Variants in PDCD5 observed in about 807,000 individuals in gnomAD.
PDCD5 encodes programmed cell death protein 5.
Under a neutral mutation model 21.9 loss-of-function variants are expected in PDCD5, and 23 were observed. That is an observed-to-expected ratio of 1.05 (90% CI 0.76 to 1.49). PDCD5 has a LOEUF of 1.49. PDCD5 is among the 40% of genes most tolerant of loss of function. PDCD5 has a pLI of 0.00. For synonymous variants in PDCD5, 45 were observed against 49.4 expected (o/e 0.91, Z 0.37); for missense variants, 152 against 147.7 (o/e 1.03, Z -0.15).
At chr19:32,582,694 A>T (rs989141112) in intron 2 of PDCD5, among the ~76,000 whole-genome samples, 5 of 152,202 alleles carry the variant, frequency 3.3e-5, no homozygotes, top group East Asian at 1.9e-4. Context: ...ATCATTTTTT[A>T]AAAATTGTGG....
In PDCD5 at chr19:32,586,928, A is replaced by C. The variant is rs1489041596; in HGVS notation, c.329A>C (p.Lys110Thr). ...SQQTEKTTTVKFNRRKVMDSD... is the reference protein window; with the variant it reads ...SQQTEKTTTVTFNRRKVMDSD... The stretch of plus-strand genomic sequence containing the variant: ...CAAACAGAAAAGACAACAACAGTGA[A>C]AGTAAGTGTCCCCAGATGCTTGTGG... The change falls in exon 5 of 6, where the codon AAA (lysine) becomes ACA (threonine). Residue 110 changes from lysine (K) to threonine (T), a missense_variant and splice_region_variant. By Grantham distance (78) the Lys-to-Thr change is moderately conservative (BLOSUM62 -1). Coordinates refer to ENST00000590247, the MANE Select transcript of PDCD5 (RefSeq NM_004708.4). The C allele has an allele frequency of 6.2e-7, 1 of 1,609,362 alleles. No homozygotes were observed. The highest frequency in any genetic ancestry group is 2.2e-5 in the East Asian group (1 of 44,834).
chr19:32,586,581 A>T, intron 4 of PDCD5: 1 of 1,182,318 alleles, frequency 8.5e-7, no homozygotes, highest in Non-Finnish European at 1.0e-6. Context: ...GCTAGTGATG[A>T]TAAAGGTGTT....
Position 32,585,919 on chromosome 19 carries a change from C to CA in PDCD5, c.258+13dup. ...AACTAAGTGAGAAGGTAAGCTTAGA[C>CA]AGCCTTGAGGAACTTTACTGTTACC... On this transcript the variant is annotated intron_variant, in intron 4 of 5. Coordinates refer to ENST00000590247, the MANE Select transcript of PDCD5 (RefSeq NM_004708.4). 3.7e-6 allele frequency: 6 copies of CA among 1,613,192 alleles called. No homozygotes were observed. The highest frequency in any genetic ancestry group is 5.1e-6 in the Non-Finnish European group (6 of 1,179,122).
intron 2 of PDCD5, among the ~76,000 whole-genome samples, chr19:32,583,375 G>A (rs947660179): frequency 6.6e-6 from 1 of 151,978 alleles, no homozygotes; most frequent in African/African-American, 2.4e-5. Context: ...CTCCTGCTGG[G>A]CTCAAGTGAT....
chr19:32,582,073 T>C (rs1971432562), intron 1 of PDCD5, 122 bp from the exon 2 acceptor site: 1 of 705,686 alleles, frequency 1.4e-6, no homozygotes, highest in African/African-American at 1.8e-5. Flanking sequence ...CCCAGTTTCT[T>C]ATTTGGGGAG....
At chr19:32,585,145 A>G in intron 3 of PDCD5, 134 bp downstream of exon 3, 1 of 722,588 alleles carries the variant, frequency 1.4e-6, no homozygotes, top group South Asian at 1.6e-5. Context: ...AGAAGTGTGA[A>G]GTTTATAAAC....
chr19:32,583,611 T>TA (rs1239356469), intron 2 of PDCD5, among the ~76,000 whole-genome samples: 1 of 152,012 alleles, frequency 6.6e-6, no homozygotes, highest in East Asian at 1.9e-4. Context: ...TTTTTAGAGA[T>TA]ACGTAAAACT....
intron 2 of PDCD5, among the ~76,000 whole-genome samples, chr19:32,582,476 G>T (rs551421846): frequency 1.3e-5 from 2 of 152,148 alleles, no homozygotes; most frequent in African/African-American, 4.8e-5. Context: ...CCTTAAAAAT[G>T]AGCCTGATAA....
chr19:32,586,827 CT>C (rs752026891), intron 4 of PDCD5, 30 bp from the exon 5 acceptor site: 3 of 1,589,034 alleles, frequency 1.9e-6, no homozygotes, highest in Non-Finnish European at 2.6e-6. Flanking sequence ...TAAAAAAGTA[CT>C]GTTTTTCTTA....
intron 3 of PDCD5, 113 bp from the exon 4 acceptor site, chr19:32,585,703 A>G: frequency 2.9e-6 from 2 of 689,724 alleles, no homozygotes; most frequent in Non-Finnish European, 5.2e-6. Flanking sequence ...CTTGCCCTAC[A>G]CTGAGGGACA....
chr19:32,586,358 G>A (rs2145242321), intron 4 of PDCD5: 3 of 1,241,552 alleles, frequency 2.4e-6, no homozygotes, highest in East Asian at 8.2e-5. Flanking sequence ...CACCTGCCCT[G>A]AGAAGCCGTC....
At chr19:32,581,404 G>C in intron 1 of PDCD5, 77 bp downstream of exon 1, 2 of 1,045,616 alleles carry the variant, frequency 1.9e-6, no homozygotes, top group Non-Finnish European at 2.6e-6. Context: ...GCGCCTCCGG[G>C]GCGGAGGCTC....
chr19:32,584,058 C>G (rs1971454207), intron 2 of PDCD5, among the ~76,000 whole-genome samples: 1 of 152,088 alleles, frequency 6.6e-6, no homozygotes, highest in Admixed American at 6.5e-5. Context: ...TCTCAAACTC[C>G]TGACCTCAAG....
intron 3 of PDCD5, 130 bp downstream of exon 3, chr19:32,585,141 G>A: frequency 2.7e-6 from 2 of 735,780 alleles, no homozygotes; most frequent in Non-Finnish European, 4.9e-6. Context: ...TGTAAGAAGT[G>A]TGAAGTTTAT....
In PDCD5 at chr19:32,586,870, G is replaced by A. The variant is rs768956632; in HGVS notation, c.271G>A (p.Gly91Ser). ...CTGGTTCTCCTAGGTATCAGAACAAGGTTTAATAGAAATCCTTAAAAAAGT... is the reference window on the plus strand; with the variant it reads ...CTGGTTCTCCTAGGTATCAGAACAAAGTTTAATAGAAATCCTTAAAAAAGT... ...GQLSEKVSEQ[G>S]LIEILKKVSQ... Residue 91 changes from glycine (G) to serine (S), a missense_variant, in exon 5 of 6, where the codon GGT becomes AGT. By Grantham distance (56) the Gly-to-Ser change is moderately conservative. Coordinates refer to ENST00000590247, the MANE Select transcript of PDCD5 (RefSeq NM_004708.4). The A allele has an allele frequency of 6.2e-7, 1 of 1,610,242 alleles. No individual in the cohort carries two copies. The highest frequency in any genetic ancestry group is 8.5e-7 in the Non-Finnish European group (1 of 1,178,868).
chr19:32,583,599 C>T (rs1971449995), intron 2 of PDCD5, among the ~76,000 whole-genome samples: 2 of 151,932 alleles, frequency 1.3e-5, no homozygotes, highest in Admixed American at 6.6e-5. Flanking sequence ...TAGGGTTTTT[C>T]ATTTTTAGAG....
chr19:32,582,396 A>G (rs1420976732), intron 2 of PDCD5, among the ~76,000 whole-genome samples, 164 bp downstream of exon 2: 1 of 152,182 alleles, frequency 6.6e-6, no homozygotes, highest in Admixed American at 6.5e-5. Context: ...TTAAATAAAC[A>G]CGTGTGCAGC....
chr19:32,587,144 T>C, intron 5 of PDCD5, 109 bp from the exon 6 acceptor site: 1 of 939,350 alleles, frequency 1.1e-6, no homozygotes, highest in Non-Finnish European at 1.7e-6. Flanking sequence ...CACGCTAAGT[T>C]GCTTTAAAGA....
In PDCD5 at chr19:32,581,238, C is replaced by T. The variant is rs757001107; in HGVS notation, c.-24C>T. 1.4e-6 allele frequency: 2 copies of T among 1,480,526 alleles called. No homozygotes were observed. The highest frequency in any genetic ancestry group is 2.8e-5 in the East Asian group (1 of 35,272). The allele number at this position is 1,480,526 out of a possible 1,614,324, so 91.7% of individuals were successfully genotyped here. A position where few individuals can be genotyped will look rare whatever the true frequency, so the allele number is the denominator to read the frequency against. On this transcript the variant is annotated 5_prime_UTR_variant, in exon 1 of 6. Transcript: ENST00000590247. ...CGAGGGGCTGCGAGAGTGACCGCGG[C>T]TGCTCCAGCGCTGACGCCGAGCCAT... is the stretch of plus-strand genomic sequence containing the variant.
Sources: gnomAD v4.1 joint callset for allele counts (sites outside exome capture counted in the v4.1 genomes callset) on GRCh38, gnomAD v4.1.1 for gene constraint, MANE v1.5 for transcripts, NCBI Gene and HGNC (gene_info 2026-07-23, HGNC 2026-07-21) for gene names.